SYNPO: variants seen among roughly 807,000 people sequenced by gnomAD.
The protein encoded by SYNPO is synaptopodin.
In SYNPO, 19 loss-of-function variants were observed where a neutral mutation model predicts 49.5. That is an observed-to-expected ratio of 0.38 (90% CI 0.27 to 0.56). SYNPO has a LOEUF of 0.56. Ranked by LOEUF, SYNPO falls within the 20% of genes least tolerant of loss-of-function variation. The pLI, the probability that SYNPO is intolerant of heterozygous loss-of-function variation, is 0.68. For synonymous variants in SYNPO, 536 were observed against 548.0 expected (o/e 0.98, Z 0.31); for missense variants, 1,131 against 1,248.3 (o/e 0.91, Z 1.42).
At chr5:150,625,574 A>G (rs950746400) in intron 2 of SYNPO, among the ~76,000 whole-genome samples, 2 of 152,196 alleles carry the variant, frequency 1.3e-5, no homozygotes, top group Non-Finnish European at 2.9e-5. Context: ...TGCCCGCCTC[A>G]CAACATCTTT....
intron 2 of SYNPO, among the ~76,000 whole-genome samples, chr5:150,620,955 CT>C (rs869310732): frequency 0.047 from 3,299 of 70,886 alleles, 183 homozygotes; most frequent in African/African-American, 0.15. Context: ...CTTTTCTTTT[CT>C]TTTTTTTTTT....
Position 150,648,680 on chromosome 5 carries a change from C to G in SYNPO, c.405C>G (p.Ser135Arg), listed in dbSNP as rs906602189. The G allele has an allele frequency of 5.0e-6, 8 of 1,614,212 alleles. No individual in the cohort carries two copies. The highest frequency in any genetic ancestry group is 6.8e-6 in the Non-Finnish European group (8 of 1,180,040). The change falls in exon 2 of 3, where the codon AGC becomes AGG. Residue 135 changes from serine (S) to arginine (R), a missense_variant. By Grantham distance (110) the Ser-to-Arg change is moderately radical. Coordinates refer to ENST00000307662, the MANE Select transcript of SYNPO (RefSeq NM_007286.6). The surrounding 1 kb of genome is among the most constrained non-coding windows in gnomAD (Gnocchi z 5.0). ...GCACAGGGCCTGCTTCCAAACCCAG[C>G]ACCCTGTGTGCTGATGGGCAACCCC... ...SNGTGPASKPSTLCADGQPQA... is the reference protein window; with the variant it reads ...SNGTGPASKPRTLCADGQPQA...
the SYNPO span, among the ~76,000 whole-genome samples, chr5:150,592,454 A>G: frequency 6.6e-6 from 1 of 152,104 alleles, no homozygotes; most frequent in African/African-American, 2.4e-5. Context: ...CCATGTCCCT[A>G]TGCCACCAAG....
upstream of SYNPO, among the ~76,000 whole-genome samples, chr5:150,596,510 G>T (rs565560333): frequency 3.2e-4 from 49 of 152,096 alleles, no homozygotes; most frequent in Non-Finnish European, 5.6e-4. Context: ...TCAGTGCCCC[G>T]CCCCTGCTCT....
At chr5:150,627,561 G>A (rs181845991) in intron 2 of SYNPO, among the ~76,000 whole-genome samples, 58 of 152,326 alleles carry the variant, frequency 3.8e-4, no homozygotes, top group Non-Finnish European at 3.5e-4. Flanking sequence ...AAGAAAAAAG[G>A]AAGCAAATAA....
At chr5:150,641,656 C>T (rs561357972) in intron 1 of SYNPO, among the ~76,000 whole-genome samples, 24 of 152,344 alleles carry the variant, frequency 1.6e-4, no homozygotes, top group African/African-American at 3.1e-4. Context: ...TCCCTTTCTA[C>T]GCCAAACAAG....
rs1329962734 is a variant in SYNPO at position 150,656,737 on chromosome 5, GCGCCACCGCCCCCGCCCCCGCCCC to G, written c.2367_2390del (p.Pro793_Pro800del). 5 of 1,285,164 alleles carry G rather than the reference GCGCCACCGCCCCCGCCCCCGCCCC, an allele frequency of 3.9e-6. No homozygotes were observed. The highest frequency in any genetic ancestry group is 1.8e-5 in the African/African-American group (1 of 56,770). 79.6% of individuals were successfully genotyped at this position (1,285,164 alleles called of 1,614,324 possible). A position where few individuals can be genotyped will look rare whatever the true frequency, so the allele number is the denominator to read the frequency against. On this transcript the variant is annotated inframe_deletion, in exon 3 of 3. Coordinates refer to ENST00000307662, the MANE Select transcript of SYNPO (RefSeq NM_007286.6). Reference sequence around the variant, plus strand: ...CCCGCGGCCCTTCTCCCCGCCGAGGGCGCCACCGCCCCCGCCCCCGCCCCCGCCCCCGCCCCCGCGCATGCGCTC... The same window carrying G: ...CCCGCGGCCCTTCTCCCCGCCGAGGGCGCCCCCGCCCCCGCGCATGCGCTC...
chr5:150,607,470 C>T (rs1364141479), intron 1 of SYNPO, among the ~76,000 whole-genome samples: 2 of 152,186 alleles, frequency 1.3e-5, no homozygotes, highest in Non-Finnish European at 2.9e-5. Flanking sequence ...CACGTAATAA[C>T]CCAAGGAATC....
Position 150,649,708 on chromosome 5 carries a change from G to A in SYNPO, c.1433G>A (p.Gly478Glu), listed in dbSNP as rs1407038637. Residue 478 changes from glycine (G) to glutamate (E), a missense_variant, in exon 2 of 3, where the codon GGG becomes GAG. Around this residue, in one of 4 missense-constraint regions of SYNPO, gnomAD observed 602 missense variants for 720.7 expected, o/e 0.84. Transcript: ENST00000307662. ...KPNQNLSEAS[G>E]KGAELYARRQ... Reference sequence around the variant, plus strand: ...AACCAGAACCTCTCCGAGGCCTCTGGGAAGGGAGCTGAGCTCTACGCCCGC... The same window carrying A: ...AACCAGAACCTCTCCGAGGCCTCTGAGAAGGGAGCTGAGCTCTACGCCCGC... The A allele has an allele frequency of 6.2e-7, 1 of 1,612,452 alleles. No homozygotes were observed. The highest frequency in any genetic ancestry group is 2.2e-5 in the East Asian group (1 of 44,888).
intron 2 of SYNPO, among the ~76,000 whole-genome samples, chr5:150,626,124 C>A (rs1178244963): frequency 1.4e-5 from 2 of 144,902 alleles, no homozygotes; most frequent in African/African-American, 5.8e-5. Context: ...GGGTTGGAAG[C>A]CTTACTGGCG....
At chr5:150,595,205 A>G in the SYNPO span, among the ~76,000 whole-genome samples, 2 of 152,228 alleles carry the variant, frequency 1.3e-5, no homozygotes, top group Non-Finnish European at 2.9e-5. Flanking sequence ...ATGGAAATGA[A>G]GGGGATTTGC....
intron 1 of SYNPO, among the ~76,000 whole-genome samples, chr5:150,610,665 G>A (rs1392370014): frequency 1.3e-5 from 2 of 150,842 alleles, no homozygotes; most frequent in East Asian, 4.0e-4. Flanking sequence ...CATGTACACA[G>A]GTTACCTTAT....
the SYNPO span, among the ~76,000 whole-genome samples, chr5:150,587,728 G>A: frequency 7.9e-5 from 12 of 152,218 alleles, no homozygotes; most frequent in Non-Finnish European, 1.8e-4. Flanking sequence ...TGAAATCGAT[G>A]TGTCCAAGGC....
chr5:150,613,338 C>A (rs1349719526), intron 1 of SYNPO, among the ~76,000 whole-genome samples: 4 of 152,150 alleles, frequency 2.6e-5, no homozygotes, highest in Non-Finnish European at 5.9e-5. Context: ...CACAAACTGG[C>A]CATCTTCTCA....
rs1290520951 is a variant in SYNPO, at chr5:150,657,711, AG to A, written c.*625del. On this transcript the variant is annotated 3_prime_UTR_variant, in exon 3 of 3. Transcript: ENST00000307662. ...GCTGTTTTCCATCCCTTCCCAGACAAGCTCTATTTTTATCACAATGACCTTT... is the reference window on the plus strand; with the variant it reads ...GCTGTTTTCCATCCCTTCCCAGACAACTCTATTTTTATCACAATGACCTTT... The A allele has an allele frequency of 6.6e-6, 1 of 152,552 alleles. No individual in the cohort carries two copies. Among genetic ancestry groups the A allele is most frequent in the Non-Finnish European group, 1.5e-5 (1 of 68,250 alleles). 9.4% of individuals were successfully genotyped at this position (152,552 alleles called of 1,614,324 possible).
intron 1 of SYNPO, among the ~76,000 whole-genome samples, chr5:150,609,070 A>G (rs188309207): frequency 8.1e-4 from 123 of 152,134 alleles, no homozygotes; most frequent in African/African-American, 2.8e-3. Context: ...CTCTCTGGAG[A>G]AAAAAAAGCT....
In SYNPO at chr5:150,657,374, C is replaced by G. The variant is rs1361169968; in HGVS notation, c.*287C>G. 1 of 478,344 alleles carries G rather than the reference C, an allele frequency of 2.1e-6. No homozygotes were observed. Among genetic ancestry groups the G allele is most frequent in the Non-Finnish European group, 3.8e-6 (1 of 263,224 alleles). The allele number at this position is 478,344 out of a possible 1,614,324, so 29.6% of individuals were successfully genotyped here. The stretch of plus-strand genomic sequence containing the variant: ...GCAATCCACAAACGTCAAAATTCCC[C>G]TTCCCATCAGTACACACACCGATGC... On this transcript the variant is annotated 3_prime_UTR_variant, in exon 3 of 3. Transcript: ENST00000307662.
At position 150,648,854 on chromosome 5, in the gene SYNPO, C is replaced by T. The variant is rs766455386; in HGVS notation, c.579C>T (p.Leu193=). The T allele has an allele frequency of 1.2e-6, 2 of 1,614,218 alleles. No individual in the cohort carries two copies. Among genetic ancestry groups the T allele is most frequent in the South Asian group, 2.2e-5 (2 of 91,082 alleles). Residue 193 remains leucine, a synonymous_variant, in exon 2 of 3, where the codon CTC becomes CTT. Coordinates refer to ENST00000307662, the MANE Select transcript of SYNPO (RefSeq NM_007286.6). This position sits in a 1 kb window ranked among gnomAD's most constrained non-coding sequence, Gnocchi z 5.0. ...CAGATTTCATGTCCAGCTCCCTGCT[C>T]ATTGACATCCAGCCCAACACCCTAG... ...PASDFMSSSL[L]IDIQPNTLVV...
intron 1 of SYNPO, among the ~76,000 whole-genome samples, chr5:150,646,020 G>A (rs1248051966): frequency 6.6e-6 from 1 of 152,140 alleles, no homozygotes; most frequent in Non-Finnish European, 1.5e-5. Context: ...ACTTTTTACT[G>A]TATACCTTTT....
Sources: gnomAD v4.1 joint callset for allele counts (sites outside exome capture counted in the v4.1 genomes callset) on GRCh38, gnomAD v4.1.1 for gene constraint, gnomAD v4.1.1 regional missense constraint, Gnocchi (gnomAD v3.1) non-coding constraint, MANE v1.5 for transcripts, NCBI Gene and HGNC (gene_info 2026-07-23, HGNC 2026-07-21) for gene names.